STARD9: variants seen among roughly 807,000 people sequenced by gnomAD.
STARD9 encodes StAR related lipid transfer domain containing 9, also known as stAR-related lipid transfer protein 9.
STARD9 carries 346 observed loss-of-function variants against 399.8 expected under a neutral mutation model. That is an observed-to-expected ratio of 0.87 (90% CI 0.79 to 0.95). The LOEUF (loss-of-function observed/expected upper bound fraction) is 0.95, where lower values mean the gene tolerates loss of function less well. STARD9 is among the 40% of genes least tolerant of loss of function. STARD9 has a pLI of 0.00. For synonymous variants in STARD9, 2,203 were observed against 2,143.5 expected, an observed-to-expected ratio of 1.03 and a Z score of -0.77; for missense variants, 5,832 against 5,667.5, an observed-to-expected ratio of 1.03 and a Z score of -0.93.
chr15:42,681,478 C>T lies in STARD9; in HGVS notation c.1931C>T (p.Thr644Ile). 1 of 1,537,190 alleles carries T rather than the reference C, an allele frequency of 6.5e-7. No homozygotes were observed. Among genetic ancestry groups the T allele is most frequent in the African/African-American group, 1.4e-5 (1 of 73,148 alleles). The change falls in exon 21 of 33, where the codon ACA (threonine) becomes ATA (isoleucine). Residue 644 changes from threonine (T) to isoleucine (I), a missense_variant. Physicochemically the swap from Thr to Ile is moderately conservative, Grantham distance 89. This residue lies in a region of STARD9 where 5,828 missense variants were observed against 5,651.1 expected (regional missense o/e 1.03). Coordinates refer to ENST00000290607, the MANE Select transcript of STARD9 (RefSeq NM_020759.3). Reference sequence around the variant, plus strand: ...CATCAGACACCGAGGGATGGAGAGACATCCCACAGGGCCCAGATTCAGCAG... The same window carrying T: ...CATCAGACACCGAGGGATGGAGAGATATCCCACAGGGCCCAGATTCAGCAG... ...EDHQTPRDGE[T>I]SHRAQIQQQQ...
chr15:42,589,952 C>CTTTTGTTTT (rs2058361398), intron 3 of STARD9, among the ~76,000 whole-genome samples: 1 of 91,954 alleles, frequency 1.1e-5, no homozygotes, highest in African/African-American at 4.3e-5. Context: ...AACCTTGATT[C>CTTTTGTTTT]TTTTTTTTTT....
intron 20 of STARD9, among the ~76,000 whole-genome samples, chr15:42,680,855 G>C (rs7169202): frequency 0.4 from 61,527 of 151,998 alleles, 18,292 homozygotes; most frequent in African/African-American, 0.84. Flanking sequence ...AAACAGCTCT[G>C]GAGTGGAGAC....
chr15:42,668,789 T>G (rs1202799067), intron 15 of STARD9, among the ~76,000 whole-genome samples: 6 of 152,146 alleles, frequency 3.9e-5, no homozygotes, highest in Non-Finnish European at 8.8e-5. Context: ...CATGTAAAAC[T>G]GGGGTGGGGA....
At chr15:42,618,020 A>G (rs1182295560) in intron 3 of STARD9, among the ~76,000 whole-genome samples, 1 of 152,128 alleles carries the variant, frequency 6.6e-6, no homozygotes, top group East Asian at 1.9e-4. Flanking sequence ...TGGCCTCTCA[A>G]GGTGCTGGGA....
At chr15:42,585,495 A>T (rs928069496) in intron 2 of STARD9, 26 bp from the exon 3 acceptor site, 2 of 1,467,736 alleles carry the variant, frequency 1.4e-6, no homozygotes, top group African/African-American at 2.8e-5. Flanking sequence ...GATAGAAAAG[A>T]CACTGGATCC....
At chr15:42,583,474 G>A (rs189936023) in intron 2 of STARD9, 59 bp downstream of exon 2, 66 of 1,271,096 alleles carry the variant, frequency 5.2e-5, no homozygotes, top group Non-Finnish European at 7.0e-5. Context: ...TGTTACAGGG[G>A]CTTCCAGGCT....
chr15:42,622,557 T>G (rs2059114033), intron 3 of STARD9, among the ~76,000 whole-genome samples: 1 of 152,124 alleles, frequency 6.6e-6, no homozygotes, highest in African/African-American at 2.4e-5. Context: ...GGATCCATAC[T>G]TCCTTGTTCA....
Position 42,687,245 on chromosome 15 carries a change from C to T in STARD9, c.5667C>T (p.Val1889=), listed in dbSNP as rs1211550247. 6.5e-7 allele frequency: 1 copy of T among 1,536,956 alleles called. No homozygotes were observed. The highest frequency in any genetic ancestry group is 8.7e-7 in the Non-Finnish European group (1 of 1,146,944). ...HSFPALEGGE[V]TAQSCCGASS... is the part of the protein sequence containing the mutation. ...TTCCAGCACTTGAGGGAGGAGAGGT[C>T]ACTGCTCAGTCCTGTTGCGGTGCTT... Residue 1889 remains valine (V), a synonymous_variant, in exon 23 of 33, where the codon GTC becomes GTT. Coordinates refer to ENST00000290607, the MANE Select transcript of STARD9 (RefSeq NM_020759.3).
chr15:42,631,206 A>G (rs751529122), intron 3 of STARD9, among the ~76,000 whole-genome samples: 14 of 152,206 alleles, frequency 9.2e-5, no homozygotes, highest in Non-Finnish European at 1.6e-4. Flanking sequence ...TTTTTGATAT[A>G]GATGCTTATT....
In STARD9 at chr15:42,690,321, G is replaced by A. The variant is rs1430228082; in HGVS notation, c.8743G>A (p.Glu2915Lys). The change falls in exon 23 of 33, where the codon GAA becomes AAA. Residue 2915 changes from glutamate (E) to lysine (K), a missense_variant. Around this residue, in one of 2 missense-constraint regions of STARD9, gnomAD observed 5,828 missense variants for 5,651.1 expected, o/e 1.03. Transcript: ENST00000290607. ...PSANPGGIGE[E>K]APCRHPREAL... is the part of the protein sequence containing the mutation. ...CGCAAATCCTGGGGGAATTGGGGAG[G>A]AAGCCCCATGTAGACACCCAAGGGA... The A allele has an allele frequency of 6.5e-7, 1 of 1,537,244 alleles. No individual in the cohort carries two copies. Among genetic ancestry groups the A allele is most frequent in the Non-Finnish European group, 8.7e-7 (1 of 1,146,878 alleles).
intron 3 of STARD9, among the ~76,000 whole-genome samples, chr15:42,607,999 C>G (rs1019845535): frequency 6.6e-6 from 1 of 152,172 alleles, no homozygotes; most frequent in African/African-American, 2.4e-5. Context: ...TCACCCCCAC[C>G]CCCCGCAGGT....
rs780384254 is a variant in STARD9 at position 42,692,085 on chromosome 15, C to G, written c.10507C>G (p.Leu3503Val). 1 of 1,537,216 alleles carries G rather than the reference C, an allele frequency of 6.5e-7. No homozygotes were observed. The highest frequency in any genetic ancestry group is 1.2e-5 in the South Asian group (1 of 84,058). ...TTCCTGCAGCCAGAAGCCCCAGGGGCTGACACTATCAAATGTGGCCCGGTG... is the reference window on the plus strand; with the variant it reads ...TTCCTGCAGCCAGAAGCCCCAGGGGGTGACACTATCAAATGTGGCCCGGTG... ...DVSCSQKPQGLTLSNVARCSS... is the reference protein window; with the variant it reads ...DVSCSQKPQGVTLSNVARCSS... Residue 3503 changes from leucine (L) to valine (V), a missense_variant, in exon 23 of 33, where the codon CTG becomes GTG. Physicochemically the swap from Leu to Val is conservative, Grantham distance 32. Transcript: ENST00000290607.
Position 42,671,121 on chromosome 15 carries a change from T to C in STARD9, c.1497+1784T>C, listed in dbSNP as rs1254994473. The C allele has an allele frequency of 2.1e-5, 3 of 144,600 alleles. No homozygotes were observed. In the South Asian group the frequency reaches 6.8e-4, roughly 33 times the overall value. The allele number at this position is 144,600 out of a possible 1,614,324, so 9.0% of individuals were successfully genotyped here. On this transcript the variant is annotated intron_variant, in intron 16 of 32. Transcript: ENST00000290607. Reference sequence around the variant, plus strand: ...TGATGAACTCATCTGAAGATAGGATTGCTGATTTTTTTTTTTTTTTTTTTT... The same window carrying C: ...TGATGAACTCATCTGAAGATAGGATCGCTGATTTTTTTTTTTTTTTTTTTT...
chr15:42,652,469 C>G, intron 8 of STARD9, 51 bp from the exon 9 acceptor site: 3 of 1,433,562 alleles, frequency 2.1e-6, no homozygotes, highest in Non-Finnish European at 2.9e-6. Flanking sequence ...CCTTAAGAAT[C>G]CACCATGTGT....
rs1398330479 is a variant in STARD9, at chr15:42,688,108, C to G, written c.6530C>G (p.Ala2177Gly). The change falls in exon 23 of 33, where the codon GCC (alanine) becomes GGC (glycine). Residue 2177 changes from alanine (A) to glycine (G), a missense_variant. Physicochemically the swap from Ala to Gly is moderately conservative, Grantham distance 60 (BLOSUM62 0). Transcript: ENST00000290607. ...HTHPAGSDRPARDICDSLGKH... is the reference protein window; with the variant it reads ...HTHPAGSDRPGRDICDSLGKH... ...CACCCAGCTGGATCGGACAGACCTGCCAGGGATATTTGTGATTCTTTAGGG... is the reference window on the plus strand; with the variant it reads ...CACCCAGCTGGATCGGACAGACCTGGCAGGGATATTTGTGATTCTTTAGGG... 7.8e-6 allele frequency: 12 copies of G among 1,537,210 alleles called. No homozygotes were observed. The highest frequency in any genetic ancestry group is 8.7e-6 in the Non-Finnish European group (10 of 1,146,956).
Position 42,662,825 on chromosome 15 carries a change from C to A in STARD9, c.802C>A (p.Arg268Ser). ...AGCAGATCCCAGTTACTGTAAGGACCGCATTGCTGAAGGAGCCAATATCAA... is the reference window on the plus strand; with the variant it reads ...AGCAGATCCCAGTTACTGTAAGGACAGCATTGCTGAAGGAGCCAATATCAA... The part of the protein sequence containing the change: ...ERADPSYCKD[R>S]IAEGANINKS... Residue 268 changes from arginine (R) to serine (S), a missense_variant, in exon 11 of 33, where the codon CGC becomes AGC. Transcript: ENST00000290607. 2 of 1,537,376 alleles carry A rather than the reference C, an allele frequency of 1.3e-6. No individual in the cohort carries two copies. Among genetic ancestry groups the A allele is most frequent in the Non-Finnish European group, 1.7e-6 (2 of 1,146,850 alleles).
At chr15:42,635,004 C>T (rs1250754413) in intron 4 of STARD9, 32 bp downstream of exon 4, 3 of 1,232,402 alleles carry the variant, frequency 2.4e-6, no homozygotes, top group Non-Finnish European at 3.4e-6. Context: ...ATTCCTAATG[C>T]CACAGCAAGC....
At position 42,716,734 on chromosome 15, in the gene STARD9, C is replaced by T; in HGVS notation, c.13342C>T (p.His4448Tyr). 1 of 1,537,066 alleles carries T rather than the reference C, an allele frequency of 6.5e-7. No individual in the cohort carries two copies. Among genetic ancestry groups the T allele is most frequent in the Non-Finnish European group, 8.7e-7 (1 of 1,146,754 alleles). The stretch of plus-strand genomic sequence containing the variant: ...ATGGATAGGGGATGAGCGAGGAGGC[C>T]ATTCTGCAGTGAGGAAGAACTCTGC... ...DVWIGDERGG[H>Y]SAVRKNSAYS... Residue 4448 changes from histidine to tyrosine, a missense_variant, in exon 27 of 33, where the codon CAT becomes TAT. This residue lies in a region of STARD9 where 5,828 missense variants were observed against 5,651.1 expected (regional missense o/e 1.03). Coordinates refer to ENST00000290607, the MANE Select transcript of STARD9 (RefSeq NM_020759.3).
At chr15:42,619,896 C>G (rs1184648591) in intron 3 of STARD9, among the ~76,000 whole-genome samples, 1 of 152,234 alleles carries the variant, frequency 6.6e-6, no homozygotes, top group Non-Finnish European at 1.5e-5. Context: ...CAATGGCTAA[C>G]TTGCCCTAAG....
Sources: allele counts gnomAD v4.1 joint callset (sites outside exome capture counted in the v4.1 genomes callset), GRCh38; gene constraint gnomAD v4.1.1; regional missense constraint gnomAD v4.1.1; transcripts MANE v1.5; gene names NCBI Gene and HGNC (gene_info 2026-07-23, HGNC 2026-07-21).